Variants in CRADD observed in about 807,000 individuals in gnomAD.
The protein encoded by CRADD is death domain-containing protein CRADD.
In CRADD, 9 loss-of-function variants were observed where a neutral mutation model predicts 15.5. The ratio of observed to expected loss-of-function variants is 0.58; its 90% CI spans 0.35 to 1.01. The LOEUF (loss-of-function observed/expected upper bound fraction) is 1.01. Ranked by LOEUF, CRADD falls within the 50% of genes least tolerant of loss-of-function variation. The probability of loss-of-function intolerance (pLI) is 0.02; values close to 1 mark genes in which losing one functional copy is unlikely to be tolerated. For synonymous variants in CRADD, 118 were observed against 107.6 expected, an observed-to-expected ratio of 1.10 and a Z score of -0.60; for missense variants, 227 against 250.3, an observed-to-expected ratio of 0.91 and a Z score of 0.63.
intron 2 of CRADD, among the ~76,000 whole-genome samples, chr12:93,751,108 C>G (rs931799673): frequency 1.3e-5 from 2 of 152,148 alleles, no homozygotes; most frequent in African/African-American, 4.8e-5. Flanking sequence ...AAATACAAAT[C>G]TTGCTTCTTT....
intron 2 of CRADD, among the ~76,000 whole-genome samples, chr12:93,796,341 A>C (rs1391149343): frequency 6.6e-6 from 1 of 152,148 alleles, no homozygotes; most frequent in East Asian, 1.9e-4. Context: ...ACGATGGCTC[A>C]CACCTGTAAA....
chr12:93,705,416 GA>G (rs1167961583), intron 2 of CRADD, among the ~76,000 whole-genome samples: 1 of 152,218 alleles, frequency 6.6e-6, no homozygotes, highest in Non-Finnish European at 1.5e-5. Context: ...AGATGGGAAA[GA>G]TAAGTTTTCT....
intron 2 of CRADD, among the ~76,000 whole-genome samples, chr12:93,717,936 CTT>C (rs1956191007): frequency 6.6e-6 from 1 of 152,210 alleles, no homozygotes. Flanking sequence ...AACGGACTGT[CTT>C]TGCCCCATTG....
intron 2 of CRADD, among the ~76,000 whole-genome samples, chr12:93,869,439 C>T (rs185047672): frequency 1.3e-5 from 2 of 152,060 alleles, no homozygotes; most frequent in African/African-American, 4.8e-5. Context: ...TAAAAGGATA[C>T]CCACAAACAA....
rs189554084 is a variant in CRADD at position 93,888,384 on chromosome 12, C to T, written c.299-5666C>T. Among the ~76,000 whole-genome samples, 207 of 146,670 alleles carry T rather than the reference C, an allele frequency of 1.4e-3. 2 individuals carry two copies. Among genetic ancestry groups the T allele is most frequent in the African/African-American group, 4.8e-3 (191 of 39,444 alleles). ...AGCTTGCAGTGAGCCGAGATCGTGC[C>T]ACTGCACTCCAGCCTGGGTGACAGA... On this transcript the variant is annotated intron_variant, in intron 2 of 2. Transcript: ENST00000548483.
chr12:93,846,357 C>A (rs904785510), intron 2 of CRADD: 1 of 152,162 alleles, frequency 6.6e-6, no homozygotes, highest in African/African-American at 2.4e-5. Context: ...AACTGCCATA[C>A]TGTTTTCCAC....
At chr12:93,686,639 A>G (rs904268141) in intron 2 of CRADD, among the ~76,000 whole-genome samples, 1 of 152,242 alleles carries the variant, frequency 6.6e-6, no homozygotes, top group African/African-American at 2.4e-5. Context: ...ATGGAGCCAT[A>G]TCCTGGTATT....
At chr12:93,835,528 A>G (rs1376882834) in intron 2 of CRADD, among the ~76,000 whole-genome samples, 1 of 152,080 alleles carries the variant, frequency 6.6e-6, no homozygotes, top group Non-Finnish European at 1.5e-5. Flanking sequence ...ATCTTTAAAC[A>G]CTTTGGCCTG....
chr12:93,755,214 G>A (rs1956875683), intron 2 of CRADD, among the ~76,000 whole-genome samples: 1 of 152,128 alleles, frequency 6.6e-6, no homozygotes, highest in Admixed American at 6.5e-5. Flanking sequence ...CATGACATGT[G>A]GGTATTATGG....
At chr12:93,772,007 T>TTAAA (rs1957089961) in intron 2 of CRADD, among the ~76,000 whole-genome samples, 1 of 152,262 alleles carries the variant, frequency 6.6e-6, no homozygotes, top group Non-Finnish European at 1.5e-5. Context: ...GAATGTATGC[T>TTAAA]TTATTTAAAT....
At chr12:93,714,006 G>T (rs568176363) in intron 2 of CRADD, among the ~76,000 whole-genome samples, 1 of 152,300 alleles carries the variant, frequency 6.6e-6, no homozygotes, top group South Asian at 2.1e-4. Context: ...TATGACAGCT[G>T]CCTTCAGCTC....
intron 2 of CRADD, among the ~76,000 whole-genome samples, chr12:93,814,285 A>AT (rs1461474853): frequency 4.6e-5 from 7 of 151,738 alleles, no homozygotes; most frequent in African/African-American, 1.7e-4. Flanking sequence ...AACTGGATGG[A>AT]TTTTTCATTC....
At chr12:93,712,361 C>G (rs17732964) in intron 2 of CRADD, among the ~76,000 whole-genome samples, 8,668 of 152,218 alleles carry the variant, frequency 0.057, 281 homozygotes, top group African/African-American at 0.077. Context: ...CAGCCTTTTG[C>G]AAGCAAGGAC....
intron 2 of CRADD, 88 bp from the exon 3 acceptor site, chr12:93,849,882 C>A: frequency 1.2e-6 from 1 of 814,728 alleles, no homozygotes; most frequent in Non-Finnish European, 2.1e-6. Flanking sequence ...GAAGCATTGC[C>A]TTCTTCTCCC....
intron 2 of CRADD, among the ~76,000 whole-genome samples, chr12:93,889,644 G>A (rs1958562678): frequency 6.6e-6 from 1 of 152,136 alleles, no homozygotes; most frequent in African/African-American, 2.4e-5. Flanking sequence ...TTGGCCAAGC[G>A]AGGGTTGTAA....
chr12:93,784,380 G>A (rs1352165746), intron 2 of CRADD, among the ~76,000 whole-genome samples: 1 of 152,034 alleles, frequency 6.6e-6, no homozygotes, highest in African/African-American at 2.4e-5. Flanking sequence ...TATAGCTGAG[G>A]TGGCCGCAGC....
At chr12:93,689,694 C>T (rs929238294) in intron 2 of CRADD, among the ~76,000 whole-genome samples, 2 of 152,070 alleles carry the variant, frequency 1.3e-5, no homozygotes, top group African/African-American at 2.4e-5. Context: ...AAAATAATAC[C>T]GCCGAGATGT....
At chr12:93,767,162 T>G (rs556236912) in intron 2 of CRADD, among the ~76,000 whole-genome samples, 21 of 152,358 alleles carry the variant, frequency 1.4e-4, no homozygotes, top group African/African-American at 4.1e-4. Flanking sequence ...TTTTTCTGCA[T>G]GTTCCAAGCT....
chr12:93,828,971 A>G (rs1404294347), intron 2 of CRADD, among the ~76,000 whole-genome samples: 3 of 152,204 alleles, frequency 2.0e-5, no homozygotes, highest in Non-Finnish European at 4.4e-5. Flanking sequence ...AACAACTGGC[A>G]TTTTAAGACC....
Sources: allele counts gnomAD v4.1 joint callset (sites outside exome capture counted in the v4.1 genomes callset), GRCh38; gene constraint gnomAD v4.1.1; transcripts MANE v1.5; gene names NCBI Gene and HGNC (gene_info 2026-07-23, HGNC 2026-07-21).